The following RETREG1 variants were observed in gnomAD, a reference collection of about 807,000 sequenced individuals.
The protein encoded by RETREG1 is family with sequence similarity 134 member B.
In RETREG1, 44 loss-of-function variants were observed where a neutral mutation model predicts 54.8. The observed-to-expected ratio is 0.80, with a 90% CI of 0.63 to 1.03. The LOEUF (loss-of-function observed/expected upper bound fraction) is 1.03. Among genes scored for constraint, RETREG1 ranks in the 50% least tolerant of loss-of-function variants. The pLI is 0.00. For missense variants in RETREG1, 554 were observed against 605.1 expected (o/e 0.92, Z 0.89); for synonymous variants, 217 against 238.5 (o/e 0.91, Z 0.83).
intron 1 of RETREG1, among the ~76,000 whole-genome samples, chr5:16,576,906 C>G (rs552691090): frequency 6.6e-6 from 1 of 152,300 alleles, no homozygotes; most frequent in Admixed American, 6.5e-5. Context: ...GGAGCCACCG[C>G]GCCTGGCCAA....
At chr5:16,546,878 C>A (rs563266912) in intron 3 of RETREG1, among the ~76,000 whole-genome samples, 11 of 152,312 alleles carry the variant, frequency 7.2e-5, no homozygotes, top group Admixed American at 2.6e-4. Flanking sequence ...TCTGGTGGCA[C>A]AGACTCTCTC....
intron 1 of RETREG1, among the ~76,000 whole-genome samples, chr5:16,590,132 T>A (rs921976552): frequency 4.6e-5 from 7 of 152,224 alleles, no homozygotes; most frequent in Non-Finnish European, 8.8e-5. Context: ...TGAGAATGAA[T>A]GTTTTTTGAC....
At chr5:16,512,400 C>T (rs984199213) in intron 3 of RETREG1, among the ~76,000 whole-genome samples, 1 of 152,132 alleles carries the variant, frequency 6.6e-6, no homozygotes, top group Admixed American at 6.5e-5. Flanking sequence ...TTTAAATTTT[C>T]CTGTATATAC....
At chr5:16,588,541 T>C (rs2447815) in intron 1 of RETREG1, among the ~76,000 whole-genome samples, 20,493 of 152,154 alleles carry the variant, frequency 0.13, 1,389 homozygotes, top group Non-Finnish European at 0.16. Context: ...GTCACTCCTG[T>C]GTCAAAGTTA....
Position 16,475,020 on chromosome 5 carries a change from G to T in RETREG1, c.1215C>A (p.Thr405=). The change falls in exon 9 of 9, where the codon ACC becomes ACA. Residue 405 remains threonine (T), a synonymous_variant. Coordinates refer to ENST00000306320, the MANE Select transcript of RETREG1 (RefSeq NM_001034850.3). ...GLTLPLNSDQ[T]FHLMSNLAGD... ...CAGCCAGGTTGCTCATCAGGTGAAA[G>T]GTTTGGTCACTGTTCAGAGGAAGGG... The T allele has an allele frequency of 6.2e-7, 1 of 1,613,688 alleles. No homozygotes were observed. Among genetic ancestry groups the T allele is most frequent in the Non-Finnish European group, 8.5e-7 (1 of 1,179,752 alleles).
intron 1 of RETREG1, among the ~76,000 whole-genome samples, chr5:16,581,565 A>ACACAC (rs1561128532): frequency 7.4e-4 from 107 of 144,138 alleles, no homozygotes; most frequent in African/African-American, 2.5e-3. Flanking sequence ...ACACACACAC[A>ACACAC]AAACACACAC....
chr5:16,475,338 T>C (rs1156842597), intron 8 of RETREG1, 104 bp from the exon 9 acceptor site: 8 of 1,344,236 alleles, frequency 6.0e-6, no homozygotes, highest in Non-Finnish European at 7.2e-6. Flanking sequence ...TCTGGCAACC[T>C]TGGCATTCAT....
intron 1 of RETREG1, among the ~76,000 whole-genome samples, chr5:16,612,400 A>G (rs1743369639): frequency 6.6e-6 from 1 of 152,256 alleles, no homozygotes; most frequent in African/African-American, 2.4e-5. Flanking sequence ...GCTTACAAGT[A>G]CAACATGGGT....
At chr5:16,609,070 A>G (rs1337977329) in intron 1 of RETREG1, among the ~76,000 whole-genome samples, 1 of 152,240 alleles carries the variant, frequency 6.6e-6, no homozygotes, top group Non-Finnish European at 1.5e-5. Context: ...AATAAAAGTC[A>G]AATGGCATTC....
chr5:16,499,245 G>A (rs143727086), intron 3 of RETREG1, among the ~76,000 whole-genome samples: 11 of 151,990 alleles, frequency 7.2e-5, no homozygotes, highest in African/African-American at 1.9e-4. Context: ...GTCCTTATGC[G>A]GCGTATGACT....
chr5:16,499,903 TA>T (rs1342975089), intron 3 of RETREG1, among the ~76,000 whole-genome samples: 1 of 152,208 alleles, frequency 6.6e-6, no homozygotes. Context: ...TGCAGTCTGG[TA>T]ATGCCTCCCT....
At chr5:16,598,987 C>T (rs73051631) in intron 1 of RETREG1, among the ~76,000 whole-genome samples, 6,845 of 152,160 alleles carry the variant, frequency 0.045, 502 homozygotes, top group African/African-American at 0.16. Flanking sequence ...CACTATGTTA[C>T]CCAGGCTGGC....
intron 1 of RETREG1, chr5:16,616,390 T>C: frequency 1.9e-6 from 1 of 522,642 alleles, no homozygotes; most frequent in Non-Finnish European, 3.3e-6. Context: ...TAGGTGCAGG[T>C]GCCTGAGGGT....
chr5:16,572,810 C>A (rs1048775110), intron 1 of RETREG1, among the ~76,000 whole-genome samples: 2 of 152,078 alleles, frequency 1.3e-5, no homozygotes, highest in African/African-American at 4.8e-5. Flanking sequence ...ACTACAGAGG[C>A]CCTTTAGTCA....
chr5:16,579,516 T>C (rs1229063209), intron 1 of RETREG1, among the ~76,000 whole-genome samples: 1 of 152,214 alleles, frequency 6.6e-6, no homozygotes, highest in Non-Finnish European at 1.5e-5. Context: ...GAGCATTCTA[T>C]GGGTTTTGAC....
At chr5:16,504,829 A>C (rs143636222) in intron 3 of RETREG1, among the ~76,000 whole-genome samples, 1 of 152,182 alleles carries the variant, frequency 6.6e-6, no homozygotes, top group Non-Finnish European at 1.5e-5. Flanking sequence ...GCTGGCTCAC[A>C]GGAATCCCAA....
At chr5:16,489,223 T>C (rs1438176795) in intron 3 of RETREG1, among the ~76,000 whole-genome samples, 1 of 152,034 alleles carries the variant, frequency 6.6e-6, no homozygotes, top group Non-Finnish European at 1.5e-5. Flanking sequence ...AACTGGGATG[T>C]GAAGCAGTTC....
intron 1 of RETREG1, among the ~76,000 whole-genome samples, chr5:16,611,293 C>T (rs1451434549): frequency 1.3e-5 from 2 of 152,042 alleles, no homozygotes; most frequent in Non-Finnish European, 2.9e-5. Flanking sequence ...TTAGGAGATA[C>T]ATCTAATGTA....
chr5:16,534,114 T>C (rs1402200377), intron 3 of RETREG1, among the ~76,000 whole-genome samples: 1 of 151,954 alleles, frequency 6.6e-6, no homozygotes, highest in Non-Finnish European at 1.5e-5. Context: ...AAAAACACAT[T>C]TTCCCTACAT....
Sources: allele counts gnomAD v4.1 joint callset (sites outside exome capture counted in the v4.1 genomes callset), GRCh38; gene constraint gnomAD v4.1.1; transcripts MANE v1.5; gene names NCBI Gene and HGNC (gene_info 2026-07-23, HGNC 2026-07-21).